Variants in COL28A1 observed in about 807,000 individuals in gnomAD.
COL28A1 encodes the protein collagen type XXVIII alpha 1 chain.
Under a neutral mutation model 150.2 loss-of-function variants are expected in COL28A1, and 161 were observed. That is an observed-to-expected ratio of 1.07 (90% CI 0.94 to 1.22). COL28A1 has a LOEUF of 1.22. COL28A1 is among the 50% of genes most tolerant of loss of function. The probability of loss-of-function intolerance (pLI) is 0.00; values close to 1 mark genes in which losing one functional copy is unlikely to be tolerated. For synonymous variants in COL28A1, 552 were observed against 469.7 expected (o/e 1.18, Z -2.26); for missense variants, 1,617 against 1,388.3 (o/e 1.16, Z -2.62).
intron 29 of COL28A1, 25 bp downstream of exon 29, chr7:7,380,757 C>G (rs773241623): frequency 2.5e-6 from 4 of 1,612,314 alleles, no homozygotes; most frequent in Admixed American, 1.7e-5. Context: ...TATAAAATCA[C>G]AGTGAGACAT....
intron 21 of COL28A1, among the ~76,000 whole-genome samples, chr7:7,439,534 A>G (rs566983644): frequency 6.6e-6 from 1 of 152,360 alleles, no homozygotes; most frequent in East Asian, 1.9e-4. Flanking sequence ...GAGTATTAAA[A>G]TACAGGTCTC....
At chr7:7,342,754 ATTC>A in the COL28A1 span, among the ~76,000 whole-genome samples, 1 of 152,070 alleles carries the variant, frequency 6.6e-6, no homozygotes, top group South Asian at 2.1e-4. Flanking sequence ...TTGCATTTTA[ATTC>A]TTTTTAAAAC....
intron 31 of COL28A1, among the ~76,000 whole-genome samples, chr7:7,374,038 A>AAAATATATATAT: frequency 6.2e-5 from 7 of 113,626 alleles, no homozygotes; most frequent in African/African-American, 2.7e-4. Flanking sequence ...AAAAAAAAAA[A>AAAATATATATAT]ATATATATAT....
chr7:7,524,212 A>G lies in COL28A1; in HGVS notation c.702+17T>C. On this transcript the variant is annotated intron_variant, in intron 4 of 34. Transcript: ENST00000399429. ...TGTTTGGAGTAATTCGTAGTAATCAAAGCATGTGGTGCTTACCTTCTTTTC... is the reference window on the plus strand; with the variant it reads ...TGTTTGGAGTAATTCGTAGTAATCAGAGCATGTGGTGCTTACCTTCTTTTC... 8.3e-7 allele frequency: 1 copy of G among 1,201,222 alleles called. No individual in the cohort carries two copies. The highest frequency in any genetic ancestry group is 1.2e-6 in the Non-Finnish European group (1 of 803,204). 74.4% of individuals were successfully genotyped at this position (1,201,222 alleles called of 1,614,324 possible).
chr7:7,350,274 G>A, the COL28A1 span, among the ~76,000 whole-genome samples: 2 of 152,074 alleles, frequency 1.3e-5, no homozygotes, highest in Admixed American at 6.6e-5. Context: ...AAAGGTTCAG[G>A]GATGTTTCTC....
At position 7,453,444 on chromosome 7, in the gene COL28A1, G is replaced by A. The variant is rs140860263; in HGVS notation, c.1436C>T (p.Ser479Phe). ...QGPAGQGLPGSKGEVGQMGPT... is the reference protein window; with the variant it reads ...QGPAGQGLPGFKGEVGQMGPT... ...CGCTCTCATTTACAAAGTTACCTTG[G>A]AACCAGGTAAGCCCTGTCCTGCGGG... Residue 479 changes from serine to phenylalanine, a missense_variant, in exon 17 of 35, where the codon TCC becomes TTC. Transcript: ENST00000399429. 1,216 of 1,198,182 alleles carry A rather than the reference G, an allele frequency of 1.0e-3. No homozygotes were observed. The highest frequency in any genetic ancestry group is 1.4e-3 in the Non-Finnish European group (1,112 of 800,268). 74.2% of individuals were successfully genotyped at this position (1,198,182 alleles called of 1,614,324 possible). A position where few individuals can be genotyped will look rare whatever the true frequency, so the allele number is the denominator to read the frequency against.
chr7:7,347,650 A>G, the COL28A1 span, among the ~76,000 whole-genome samples: 1 of 152,140 alleles, frequency 6.6e-6, no homozygotes, highest in Non-Finnish European at 1.5e-5. Flanking sequence ...TTCTGGGGCA[A>G]AGATGAGGAA....
intron 27 of COL28A1, among the ~76,000 whole-genome samples, chr7:7,405,257 C>A (rs1783430946): frequency 1.3e-5 from 2 of 152,114 alleles, no homozygotes; most frequent in Non-Finnish European, 2.9e-5. Flanking sequence ...ACAACCCTGG[C>A]AAAGAGTGTG....
intron 17 of COL28A1, 89 bp downstream of exon 17, chr7:7,453,351 A>G (rs1786866920): frequency 1.4e-5 from 11 of 799,946 alleles, no homozygotes; most frequent in Middle Eastern, 4.5e-4. Context: ...AGTTCATTCT[A>G]CCTGCTGTCT....
chr7:7,497,258 G>A (rs1374766405), intron 11 of COL28A1, among the ~76,000 whole-genome samples: 1 of 152,208 alleles, frequency 6.6e-6, no homozygotes, highest in African/African-American at 2.4e-5. Context: ...GAATAAACTT[G>A]GTCTACATTA....
intron 32 of COL28A1, 82 bp downstream of exon 32, chr7:7,372,916 A>G (rs1480137686): frequency 8.4e-7 from 1 of 1,193,932 alleles, no homozygotes; most frequent in Non-Finnish European, 1.2e-6. Context: ...AGATTTTTCT[A>G]TTTGGTCAGG....
intron 25 of COL28A1, among the ~76,000 whole-genome samples, chr7:7,422,743 C>A (rs1784443450): frequency 6.6e-6 from 1 of 152,126 alleles, no homozygotes; most frequent in Non-Finnish European, 1.5e-5. Context: ...AAAAACTGAA[C>A]CTGGATGTAA....
Position 7,450,922 on chromosome 7 carries a change from T to C in COL28A1, c.1509+1397A>G, listed in dbSNP as rs556072164. Among the ~76,000 whole-genome samples the C allele has an allele frequency of 5.9e-5, 9 of 152,314 alleles. No individual in the cohort carries two copies. In the East Asian group the frequency reaches 7.7e-4, roughly 13 times the overall value. On this transcript the variant is annotated intron_variant, in intron 18 of 34. Transcript: ENST00000399429. ...TGACTATAAATATATTGCAGAATGA[T>C]ATATCATGTAAAGTTTAAGGACACA...
At chr7:7,445,701 GCAA>G (rs1182914654) in intron 18 of COL28A1, among the ~76,000 whole-genome samples, 1 of 151,864 alleles carries the variant, frequency 6.6e-6, no homozygotes, top group Non-Finnish European at 1.5e-5. Flanking sequence ...TTTATTAATA[GCAA>G]CAAAATGGAA....
At chr7:7,379,242 A>T (rs142774579) in intron 30 of COL28A1, among the ~76,000 whole-genome samples, 1 of 152,282 alleles carries the variant, frequency 6.6e-6, no homozygotes, top group East Asian at 1.9e-4. Context: ...CAGGAGCCTA[A>T]CACAGAGCCT....
intron 33 of COL28A1, among the ~76,000 whole-genome samples, chr7:7,368,093 C>T (rs1210482361): frequency 6.6e-6 from 1 of 152,140 alleles, no homozygotes; most frequent in African/African-American, 2.4e-5. Context: ...CCAGTCTCCT[C>T]ACCTCCTCCT....
At chr7:7,513,127 C>A (rs1172350085) in intron 8 of COL28A1, among the ~76,000 whole-genome samples, 3 of 152,204 alleles carry the variant, frequency 2.0e-5, no homozygotes, top group Admixed American at 1.3e-4. Context: ...AACAGCAGTG[C>A]TCTATGGAGG....
chr7:7,460,468 G>A (rs991047202), intron 15 of COL28A1, among the ~76,000 whole-genome samples: 1 of 151,742 alleles, frequency 6.6e-6, no homozygotes, highest in Non-Finnish European at 1.5e-5. Context: ...TGCAAGCTCC[G>A]CCTCCTGGGT....
intron 15 of COL28A1, among the ~76,000 whole-genome samples, chr7:7,458,293 G>A (rs1461335670): frequency 6.6e-6 from 1 of 152,058 alleles, no homozygotes; most frequent in African/African-American, 2.4e-5. Flanking sequence ...GCACATGCCT[G>A]TAATCCCAGC....
Sources: allele counts gnomAD v4.1 joint callset (sites outside exome capture counted in the v4.1 genomes callset), GRCh38; gene constraint gnomAD v4.1.1; transcripts MANE v1.5; gene names NCBI Gene and HGNC (gene_info 2026-07-23, HGNC 2026-07-21).